The following PDE7B variants were observed in gnomAD, a reference collection of about 807,000 sequenced individuals.
PDE7B encodes the protein phosphodiesterase 7B.
PDE7B carries 29 observed loss-of-function variants against 56.2 expected under a neutral mutation model. That is an observed-to-expected ratio of 0.52 (90% CI 0.38 to 0.70). The LOEUF (loss-of-function observed/expected upper bound fraction) is 0.70. Among genes scored for constraint, PDE7B ranks in the 30% least tolerant of loss-of-function variants. The probability of loss-of-function intolerance (pLI) is 0.00; values close to 1 mark genes in which losing one functional copy is unlikely to be tolerated. For missense variants in PDE7B, 490 were observed against 565.0 expected (o/e 0.87, Z 1.35); for synonymous variants, 197 against 196.9 (o/e 1.00, Z 0.00).
intron 2 of PDE7B, among the ~76,000 whole-genome samples, chr6:135,980,702 A>C (rs1337246643): frequency 4.7e-5 from 7 of 149,144 alleles, no homozygotes; most frequent in South Asian, 2.2e-4. Flanking sequence ...ATCACTGGCC[A>C]TCAGAGAAAT....
At chr6:136,182,059 T>G (rs1779075506) in intron 11 of PDE7B, among the ~76,000 whole-genome samples, 1 of 152,138 alleles carries the variant, frequency 6.6e-6, no homozygotes, top group African/African-American at 2.4e-5. Flanking sequence ...AGTGACAGAA[T>G]CAGGTTTGAG....
intron 3 of PDE7B, among the ~76,000 whole-genome samples, chr6:136,119,160 G>A (rs564071752): frequency 1.1e-4 from 17 of 152,200 alleles, no homozygotes; most frequent in Non-Finnish European, 2.2e-4. Flanking sequence ...ATTTCCTGTC[G>A]TGCAAACCAT....
intron 1 of PDE7B, among the ~76,000 whole-genome samples, chr6:135,902,625 C>G (rs113091897): frequency 0.027 from 4,162 of 152,160 alleles, 190 homozygotes; most frequent in African/African-American, 0.095. Flanking sequence ...AATATATCTA[C>G]TTTTTCTTAT....
intron 3 of PDE7B, among the ~76,000 whole-genome samples, chr6:136,135,150 C>CT (rs1348673488): frequency 2.0e-4 from 30 of 152,158 alleles, no homozygotes; most frequent in African/African-American, 7.0e-4. Flanking sequence ...TGACATAAGG[C>CT]TTTAATACAT....
chr6:136,080,600 T>A (rs1437990530), intron 2 of PDE7B, among the ~76,000 whole-genome samples: 1 of 152,244 alleles, frequency 6.6e-6, no homozygotes, highest in African/African-American at 2.4e-5. Flanking sequence ...TCTCTGCTTA[T>A]GAGCCATTTT....
At chr6:136,131,197 A>T (rs1018628690) in intron 3 of PDE7B, among the ~76,000 whole-genome samples, 1 of 152,204 alleles carries the variant, frequency 6.6e-6, no homozygotes, top group African/African-American at 2.4e-5. Context: ...TCATTTGACA[A>T]CTACCAAAAA....
chr6:136,029,627 C>T (rs1457962356), intron 2 of PDE7B, among the ~76,000 whole-genome samples: 3 of 152,044 alleles, frequency 2.0e-5, no homozygotes, highest in Non-Finnish European at 2.9e-5. Flanking sequence ...AGTTAGTATG[C>T]ATATCCTATA....
chr6:135,908,820 A>T (rs1004627455), intron 1 of PDE7B, among the ~76,000 whole-genome samples: 1 of 152,218 alleles, frequency 6.6e-6, no homozygotes, highest in African/African-American at 2.4e-5. Flanking sequence ...GAAAGAAAAG[A>T]AAGAGAATAA....
At chr6:136,111,579 T>TA (rs1306907962) in intron 3 of PDE7B, among the ~76,000 whole-genome samples, 2 of 152,232 alleles carry the variant, frequency 1.3e-5, no homozygotes, top group Admixed American at 6.5e-5. Context: ...ACATCTGTGT[T>TA]ATGCACAGTC....
In PDE7B at chr6:136,193,943, A is replaced by C. The variant is rs1309745766; in HGVS notation, c.*2103A>C. ...GTTGAAATTATTGATGTGGGTAAGAAGGGAGGTTGTGGAAAGTTAACACTA... is the reference window on the plus strand; with the variant it reads ...GTTGAAATTATTGATGTGGGTAAGACGGGAGGTTGTGGAAAGTTAACACTA... On this transcript the variant is annotated 3_prime_UTR_variant, in exon 13 of 13. Transcript: ENST00000308191. 1 of 152,208 alleles carries C rather than the reference A, an allele frequency of 6.6e-6. No individual in the cohort carries two copies. Among genetic ancestry groups the C allele is most frequent in the African/African-American group, 2.4e-5 (1 of 41,448 alleles). 9.4% of individuals were successfully genotyped at this position (152,208 alleles called of 1,614,324 possible).
chr6:136,086,534 C>T (rs1777295034), intron 2 of PDE7B, among the ~76,000 whole-genome samples: 1 of 152,138 alleles, frequency 6.6e-6, no homozygotes, highest in Non-Finnish European at 1.5e-5. Context: ...CTCTCCTACT[C>T]TTAAGCCACT....
intron 2 of PDE7B, among the ~76,000 whole-genome samples, chr6:135,990,977 G>A (rs1023798093): frequency 2.0e-5 from 3 of 152,174 alleles, no homozygotes; most frequent in Non-Finnish European, 2.9e-5. Flanking sequence ...AGTTTTCTGG[G>A]AAAGGGGTGG....
intron 1 of PDE7B, among the ~76,000 whole-genome samples, chr6:135,906,352 G>A (rs1023925629): frequency 1.3e-5 from 2 of 152,136 alleles, no homozygotes; most frequent in African/African-American, 4.8e-5. Flanking sequence ...ACTACTTATA[G>A]ATCTACTGGC....
chr6:136,180,305 T>C (rs1307486265), intron 10 of PDE7B, among the ~76,000 whole-genome samples: 5 of 152,150 alleles, frequency 3.3e-5, no homozygotes, highest in Non-Finnish European at 7.4e-5. Flanking sequence ...TAAAGCCAAG[T>C]TGTGAATAGC....
chr6:135,920,264 GA>G (rs2128195231), intron 1 of PDE7B, among the ~76,000 whole-genome samples: 2 of 152,208 alleles, frequency 1.3e-5, no homozygotes, highest in South Asian at 4.2e-4. Context: ...TTTCCAATTA[GA>G]ATAGAGAACA....
At chr6:135,900,856 C>T (rs1229994139) in intron 1 of PDE7B, among the ~76,000 whole-genome samples, 1 of 151,868 alleles carries the variant, frequency 6.6e-6, no homozygotes, top group South Asian at 2.1e-4. Flanking sequence ...ATTCTCCTAG[C>T]CCCCTGTCCA....
intron 5 of PDE7B, among the ~76,000 whole-genome samples, chr6:136,150,466 A>G (rs1778491237): frequency 6.6e-6 from 1 of 152,176 alleles, no homozygotes; most frequent in Admixed American, 6.5e-5. Context: ...TGAAGAGACT[A>G]TCCTTTCCCC....
chr6:135,979,122 C>G (rs994502400), intron 2 of PDE7B, among the ~76,000 whole-genome samples: 5 of 151,880 alleles, frequency 3.3e-5, no homozygotes, highest in Non-Finnish European at 5.9e-5. Flanking sequence ...TTTTCTGCAT[C>G]TATTGAGATA....
At chr6:135,855,210 A>AT (rs1775003513) in intron 1 of PDE7B, among the ~76,000 whole-genome samples, 3 of 152,158 alleles carry the variant, frequency 2.0e-5, no homozygotes. Context: ...TCAACCTAGA[A>AT]TTTTTTAACT....
Sources: allele counts gnomAD v4.1 joint callset (sites outside exome capture counted in the v4.1 genomes callset), GRCh38; gene constraint gnomAD v4.1.1; transcripts MANE v1.5; gene names NCBI Gene and HGNC (gene_info 2026-07-23, HGNC 2026-07-21).